PITPNC1: variants seen among roughly 807,000 people sequenced by gnomAD.
PITPNC1 encodes the protein cytoplasmic phosphatidylinositol transfer protein 1.
Under a neutral mutation model 44.7 loss-of-function variants are expected in PITPNC1, and 18 were observed. The observed-to-expected ratio is 0.40, with a 90% CI of 0.28 to 0.60. The LOEUF (loss-of-function observed/expected upper bound fraction) is 0.60, where lower values mean the gene tolerates loss of function less well. Ranked by LOEUF, PITPNC1 falls within the 20% of genes least tolerant of loss-of-function variation. The probability of loss-of-function intolerance (pLI) is 0.39; values close to 1 mark genes in which losing one functional copy is unlikely to be tolerated. For synonymous variants in PITPNC1, 141 were observed against 149.6 expected, an observed-to-expected ratio of 0.94 and a Z score of 0.42; for missense variants, 290 against 418.4, an observed-to-expected ratio of 0.69 and a Z score of 2.68.
rs2042977486 is a variant in PITPNC1, at chr17:67,694,437, C to T, written c.*1549C>T. ...AGCATAATCTGCTTCTCTCACACAG[C>T]CTCTCTGCCAGTGGACCCTGCCTGC... On this transcript the variant is annotated 3_prime_UTR_variant, in exon 9 of 9. Transcript: ENST00000581322. 2 of 152,588 alleles carry T rather than the reference C, an allele frequency of 1.3e-5. No homozygotes were observed. The highest frequency in any genetic ancestry group is 4.8e-5 in the African/African-American group (2 of 41,472). The allele number at this position is 152,588 out of a possible 1,614,324, so 9.5% of individuals were successfully genotyped here.
intron 1 of PITPNC1, among the ~76,000 whole-genome samples, chr17:67,436,500 TAGGG>T (rs1201942560): frequency 3.3e-5 from 5 of 151,124 alleles, no homozygotes; most frequent in Non-Finnish European, 7.4e-5. Flanking sequence ...AAGCAGAAGG[TAGGG>T]AGGCCAGGGA....
chr17:67,521,392 C>T (rs911489305), intron 1 of PITPNC1, among the ~76,000 whole-genome samples: 2 of 152,160 alleles, frequency 1.3e-5, no homozygotes, highest in Non-Finnish European at 2.9e-5. Flanking sequence ...AAACAAGACA[C>T]CTCCGAGGGC....
intron 1 of PITPNC1, among the ~76,000 whole-genome samples, chr17:67,482,587 G>A (rs2039719105): frequency 6.6e-6 from 1 of 152,132 alleles, no homozygotes; most frequent in Admixed American, 6.5e-5. Context: ...CCTGAATGTA[G>A]TCCCTTAAAA....
At chr17:67,600,580 G>A (rs1176207523) in intron 5 of PITPNC1, among the ~76,000 whole-genome samples, 2 of 151,940 alleles carry the variant, frequency 1.3e-5, no homozygotes, top group Non-Finnish European at 2.9e-5. Flanking sequence ...AACTAGGCTA[G>A]ATACAACTGA....
At chr17:67,623,094 C>T (rs1362843835) in intron 5 of PITPNC1, among the ~76,000 whole-genome samples, 2 of 123,354 alleles carry the variant, frequency 1.6e-5, no homozygotes, top group African/African-American at 3.1e-5. Flanking sequence ...CTTCCTCCAG[C>T]GAGCTCCCAA....
At chr17:67,403,878 C>T (rs1364883379) in intron 1 of PITPNC1, among the ~76,000 whole-genome samples, 2 of 152,080 alleles carry the variant, frequency 1.3e-5, no homozygotes, top group Non-Finnish European at 2.9e-5. Context: ...GAAAATTAGC[C>T]GTGTGTGGTG....
In PITPNC1 at chr17:67,593,310, T is replaced by A. The variant is rs80058245; in HGVS notation, c.366+15053T>A. Among the ~76,000 whole-genome samples, 342 of 152,130 alleles carry A rather than the reference T, an allele frequency of 2.2e-3. 1 individual carries two copies. Among genetic ancestry groups the A allele is most frequent in the Non-Finnish European group, 4.0e-3 (271 of 67,958 alleles). On this transcript the variant is annotated intron_variant, in intron 5 of 8. Transcript: ENST00000581322. ...TGAAATTTTCTCTTTTTTTTTTTTT[T>A]AAGTAGGGACAGAATCGGAATCAAA...
intron 1 of PITPNC1, among the ~76,000 whole-genome samples, chr17:67,395,771 A>T (rs140506143): frequency 6.6e-6 from 1 of 152,168 alleles, no homozygotes; most frequent in Non-Finnish European, 1.5e-5. Context: ...TTAAAGATAT[A>T]AATGTGATTT....
intron 1 of PITPNC1, among the ~76,000 whole-genome samples, chr17:67,444,084 C>T (rs1366942469): frequency 6.6e-6 from 1 of 152,010 alleles, no homozygotes; most frequent in African/African-American, 2.4e-5. Context: ...CCCACATGTA[C>T]CCATCATCCA....
chr17:67,407,125 A>AGTAATGTACGTTTTACAT (rs2038412474), intron 1 of PITPNC1, among the ~76,000 whole-genome samples: 1 of 152,080 alleles, frequency 6.6e-6, no homozygotes, highest in African/African-American at 2.4e-5. Flanking sequence ...TTACATTCCC[A>AGTAATGTACGTTTTACAT]CCTACAGTGT....
At chr17:67,378,724 G>A (rs2037910307) in intron 1 of PITPNC1, among the ~76,000 whole-genome samples, 1 of 152,196 alleles carries the variant, frequency 6.6e-6, no homozygotes, top group Middle Eastern at 3.2e-3. Flanking sequence ...ACTTCTCGCC[G>A]TCGCCGCGGG....
At chr17:67,522,447 A>G (rs1375408922) in intron 1 of PITPNC1, among the ~76,000 whole-genome samples, 2 of 152,130 alleles carry the variant, frequency 1.3e-5, no homozygotes, top group Non-Finnish European at 2.9e-5. Flanking sequence ...TCTAGGCTCA[A>G]TACCTTTCAG....
intron 2 of PITPNC1, among the ~76,000 whole-genome samples, chr17:67,537,509 T>C (rs1005451548): frequency 6.6e-6 from 1 of 152,148 alleles, no homozygotes; most frequent in African/African-American, 2.4e-5. Flanking sequence ...CAAAATCATT[T>C]TGGAGAAAAA....
rs1052991285 is a variant in PITPNC1 at position 67,695,525 on chromosome 17, G to A, written c.*2637G>A. 5 of 151,092 alleles carry A rather than the reference G, an allele frequency of 3.3e-5. No homozygotes were observed. The highest frequency in any genetic ancestry group is 9.7e-5 in the African/African-American group (4 of 41,174). 9.4% of individuals were successfully genotyped at this position (151,092 alleles called of 1,614,324 possible). A position where few individuals can be genotyped will look rare whatever the true frequency, so the allele number is the denominator to read the frequency against. On this transcript the variant is annotated 3_prime_UTR_variant, in exon 9 of 9. Transcript: ENST00000581322. The stretch of plus-strand genomic sequence containing the variant: ...TGAATTTGCTAAGCATGTTTGGGGG[G>A]AAATAGAATCCTTAACTCAGTGCCT...
intron 6 of PITPNC1, among the ~76,000 whole-genome samples, chr17:67,639,370 G>T (rs191519581): frequency 2.0e-5 from 3 of 152,172 alleles, no homozygotes; most frequent in Admixed American, 1.3e-4. Flanking sequence ...GCCCTCAAAG[G>T]TCCTGTCTTC....
chr17:67,488,427 C>G (rs2039814479), intron 1 of PITPNC1, among the ~76,000 whole-genome samples: 1 of 152,246 alleles, frequency 6.6e-6, no homozygotes, highest in African/African-American at 2.4e-5. Flanking sequence ...GTCAATCCTG[C>G]AGAACAGAGT....
At chr17:67,513,479 G>A (rs1478520924) in intron 1 of PITPNC1, among the ~76,000 whole-genome samples, 1 of 133,648 alleles carries the variant, frequency 7.5e-6, no homozygotes, top group East Asian at 2.0e-4. Flanking sequence ...TTTACTATAT[G>A]TGTGTGTGTG....
intron 8 of PITPNC1, among the ~76,000 whole-genome samples, chr17:67,691,611 A>G (rs1429360070): frequency 6.6e-6 from 1 of 152,246 alleles, no homozygotes; most frequent in East Asian, 1.9e-4. Context: ...ATTAAAACAC[A>G]ATCTCTGAAC....
chr17:67,419,930 G>C (rs954367794), intron 1 of PITPNC1, among the ~76,000 whole-genome samples: 1 of 151,694 alleles, frequency 6.6e-6, no homozygotes, highest in Middle Eastern at 3.2e-3. Flanking sequence ...AAAAAAAAGA[G>C]AGAGAGAGAG....
Sources: gnomAD v4.1 joint callset for allele counts (sites outside exome capture counted in the v4.1 genomes callset) on GRCh38, gnomAD v4.1.1 for gene constraint, MANE v1.5 for transcripts, NCBI Gene and HGNC (gene_info 2026-07-23, HGNC 2026-07-21) for gene names.